AGBL4: variants seen among roughly 807,000 people sequenced by gnomAD.
The protein encoded by AGBL4 is AGBL carboxypeptidase 4, also known as cytosolic carboxypeptidase 6.
AGBL4 carries 58 observed loss-of-function variants against 66.4 expected under a neutral mutation model. That is an observed-to-expected ratio of 0.87 (90% CI 0.71 to 1.09). AGBL4 has a LOEUF of 1.09. Among genes scored for constraint, AGBL4 ranks in the 50% least tolerant of loss-of-function variants. The pLI is 0.00. For missense variants in AGBL4, 579 were observed against 631.0 expected (o/e 0.92, Z 0.88); for synonymous variants, 234 against 222.9 (o/e 1.05, Z -0.44).
Position 49,420,963 on chromosome 1 carries a change from G to A in AGBL4, c.283-175099C>T, listed in dbSNP as rs528514334. 3.3e-5 allele frequency among the ~76,000 whole-genome samples: 5 copies of A among 152,226 alleles called. No homozygotes were observed. In the South Asian group the frequency reaches 1.0e-3, roughly 32 times the overall value. On this transcript the variant is annotated intron_variant, in intron 3 of 13. Coordinates refer to ENST00000371839, the MANE Select transcript of AGBL4 (RefSeq NM_032785.4). ...ATGTAATTATTAATGCCCTAAAAGA[G>A]GTACAGAGCAATGCTAGAACACAAG...
At chr1:48,973,984 T>C (rs1490576186) in intron 5 of AGBL4, among the ~76,000 whole-genome samples, 2 of 152,268 alleles carry the variant, frequency 1.3e-5, no homozygotes. Context: ...ACAGACTGGA[T>C]GTGCTAGTTC....
intron 6 of AGBL4, among the ~76,000 whole-genome samples, chr1:48,857,037 T>C (rs1647185643): frequency 6.6e-6 from 1 of 152,222 alleles, no homozygotes; most frequent in Non-Finnish European, 1.5e-5. Context: ...CCATTACTTA[T>C]TAATTGTGTT....
intron 5 of AGBL4, among the ~76,000 whole-genome samples, chr1:48,874,312 G>C (rs1649009644): frequency 7.3e-6 from 1 of 136,652 alleles, no homozygotes; most frequent in Admixed American, 7.3e-5. Flanking sequence ...CCCATGCCCT[G>C]CTCCCTGCCC....
At chr1:49,733,160 T>C (rs1167738332) in intron 2 of AGBL4, among the ~76,000 whole-genome samples, 2 of 152,032 alleles carry the variant, frequency 1.3e-5, no homozygotes, top group Non-Finnish European at 2.9e-5. Context: ...GAAAACTACT[T>C]TCAACAAAAA....
intron 2 of AGBL4, among the ~76,000 whole-genome samples, chr1:49,718,651 T>C (rs1450463269): frequency 6.6e-6 from 1 of 152,122 alleles, no homozygotes; most frequent in African/African-American, 2.4e-5. Context: ...AAACTGCATA[T>C]GTAAAAATTC....
rs146620956 is a variant in AGBL4 at position 49,727,264 on chromosome 1, A to G, written c.158-29827T>C. Among the ~76,000 whole-genome samples the G allele has an allele frequency of 3.4e-3, 522 of 152,310 alleles. 1 individual carries two copies. The highest frequency in any genetic ancestry group is 0.012 in the African/African-American group (492 of 41,582). On this transcript the variant is annotated intron_variant, in intron 2 of 13. Transcript: ENST00000371839. The stretch of plus-strand genomic sequence containing the variant: ...AAATGTCAAGTTTGACCTTAAACTT[A>G]GATTATTCAAGCCATGAATTATTCA...
intron 11 of AGBL4, among the ~76,000 whole-genome samples, chr1:48,559,117 T>A (rs1644361035): frequency 6.6e-6 from 1 of 152,178 alleles, no homozygotes; most frequent in Non-Finnish European, 1.5e-5. Flanking sequence ...CAGAGCAAAT[T>A]TTAAAATTCA....
intron 2 of AGBL4, among the ~76,000 whole-genome samples, chr1:49,826,815 G>T (rs1215691316): frequency 2.0e-5 from 3 of 152,154 alleles, no homozygotes; most frequent in Admixed American, 1.3e-4. Flanking sequence ...CTGCCCTCAA[G>T]AAGTTTATGC....
intron 5 of AGBL4, among the ~76,000 whole-genome samples, chr1:48,945,454 C>A (rs527995620): frequency 6.6e-6 from 1 of 152,266 alleles, no homozygotes; most frequent in African/African-American, 2.4e-5. Context: ...TTTGCCCAAA[C>A]ACCTGGGGTA....
chr1:49,713,483 T>C (rs1647832019), intron 2 of AGBL4, among the ~76,000 whole-genome samples: 1 of 152,190 alleles, frequency 6.6e-6, no homozygotes, highest in East Asian at 1.9e-4. Flanking sequence ...AAAATAGTAA[T>C]ATATCCACAT....
chr1:49,132,051 G>T (rs530102646), intron 4 of AGBL4, among the ~76,000 whole-genome samples: 28 of 152,154 alleles, frequency 1.8e-4, no homozygotes, highest in African/African-American at 6.5e-4. Flanking sequence ...AAAAGATGAG[G>T]ACCAAGGACA....
intron 11 of AGBL4, among the ~76,000 whole-genome samples, chr1:48,581,108 C>T (rs1338100782): frequency 2.0e-5 from 3 of 152,196 alleles, no homozygotes; most frequent in South Asian, 2.1e-4. Context: ...ACCTTTCTCC[C>T]TCCCCTCAAA....
rs182959101 is a variant in AGBL4, at chr1:49,219,940, G to T, written c.377+25830C>A. On this transcript the variant is annotated intron_variant, in intron 4 of 13. Transcript: ENST00000371839. The stretch of plus-strand genomic sequence containing the variant: ...AAGGAATCTTGTCTCATAATCTAAG[G>T]GTAGCTTCAAAACATTTTAGTTTTT... 2.6e-5 allele frequency among the ~76,000 whole-genome samples: 4 copies of T among 152,070 alleles called. No individual in the cohort carries two copies. The East Asian group carries it at 5.8e-4, about 22-fold the overall frequency.
chr1:49,948,334 A>G (rs1655657313), intron 1 of AGBL4, among the ~76,000 whole-genome samples: 2 of 112,166 alleles, frequency 1.8e-5, no homozygotes, highest in African/African-American at 7.3e-5. Flanking sequence ...ATAAACATAT[A>G]TAAATATATA....
At chr1:49,948,468 TATAA>T (rs1655717377) in intron 1 of AGBL4, among the ~76,000 whole-genome samples, 1 of 95,626 alleles carries the variant, frequency 1.0e-5, no homozygotes, top group Non-Finnish European at 2.1e-5. Flanking sequence ...TAGATAAATA[TATAA>T]ATATATAAAT....
intron 1 of AGBL4, among the ~76,000 whole-genome samples, chr1:49,937,884 G>A (rs1024981694): frequency 3.3e-5 from 5 of 152,034 alleles, no homozygotes; most frequent in Admixed American, 6.5e-5. Flanking sequence ...ATCCCCACAA[G>A]AGAAAGCAGG....
At position 49,815,716 on chromosome 1, in the gene AGBL4, C is replaced by A. The variant is rs368163203; in HGVS notation, c.157+35680G>T. ...TTTGGTTATGAGCCATTTTAACTAG[C>A]GTGAGATGCTATTTCATTATAGTTT... On this transcript the variant is annotated intron_variant, in intron 2 of 13. Transcript: ENST00000371839. Among the ~76,000 whole-genome samples, 50 of 152,170 alleles carry A rather than the reference C, an allele frequency of 3.3e-4. 1 individual carries two copies. In the East Asian group the frequency reaches 7.5e-3, roughly 23 times the overall value.
chr1:49,130,031 T>C (rs1029513690), intron 4 of AGBL4, among the ~76,000 whole-genome samples: 2 of 152,214 alleles, frequency 1.3e-5, no homozygotes, highest in African/African-American at 4.8e-5. Flanking sequence ...TGGTATCTCA[T>C]AGTGGTTTTG....
chr1:48,798,764 T>C (rs962951246), intron 6 of AGBL4, among the ~76,000 whole-genome samples: 13 of 152,208 alleles, frequency 8.5e-5, no homozygotes, highest in African/African-American at 2.9e-4. Context: ...ATTTGTTGGA[T>C]AGGGTGTCCT....
Sources: gnomAD v4.1 joint callset for allele counts (sites outside exome capture counted in the v4.1 genomes callset) on GRCh38, gnomAD v4.1.1 for gene constraint, MANE v1.5 for transcripts, NCBI Gene and HGNC (gene_info 2026-07-23, HGNC 2026-07-21) for gene names.